Variants in NTN1 observed in about 807,000 individuals in gnomAD.
The protein encoded by NTN1 is netrin 1.
NTN1 carries 11 observed loss-of-function variants against 54.2 expected under a neutral mutation model. The ratio of observed to expected loss-of-function variants is 0.20; its 90% confidence interval spans 0.13 to 0.34. The LOEUF is 0.34. Among genes scored for constraint, NTN1 ranks in the 10% least tolerant of loss-of-function variants. The probability of loss-of-function intolerance (pLI) is 1.00; values close to 1 mark genes in which losing one functional copy is unlikely to be tolerated. For synonymous variants in NTN1, 371 were observed against 382.0 expected (o/e 0.97, Z 0.33); for missense variants, 740 against 893.1 (o/e 0.83, Z 2.18).
At position 9,162,889 on chromosome 17, in the gene NTN1, A is replaced by G; in HGVS notation, c.1095A>G (p.Gly365=). The G allele has an allele frequency of 6.2e-7, 1 of 1,614,052 alleles. No individual in the cohort carries two copies. The highest frequency in any genetic ancestry group is 8.5e-7 in the Non-Finnish European group (1 of 1,179,998). ...ACAAGCTTTCGGGGCGCAAGAGCGG[A>G]GGTGTCTGCCTCAACTGTCGCCACA... ...ELYKLSGRKS[G]GVCLNCRHNT... is the part of the protein sequence containing the mutation. Residue 365 remains glycine, a synonymous_variant, in exon 3 of 7, where the codon GGA becomes GGG. Transcript: ENST00000173229.
chr17:9,238,874 C>A (rs1906086397), intron 6 of NTN1, among the ~76,000 whole-genome samples: 2 of 152,366 alleles, frequency 1.3e-5, no homozygotes, highest in Admixed American at 1.3e-4. Context: ...TCTGTTCAAT[C>A]TGAAGCTCTG....
intron 6 of NTN1, among the ~76,000 whole-genome samples, chr17:9,223,999 G>GT (rs1230018720): frequency 1.3e-5 from 2 of 151,874 alleles, no homozygotes; most frequent in Non-Finnish European, 2.9e-5. Context: ...CAGCTACACT[G>GT]TGGAGAGGCA....
At chr17:9,224,707 C>T (rs968700573) in intron 6 of NTN1, among the ~76,000 whole-genome samples, 3 of 152,170 alleles carry the variant, frequency 2.0e-5, no homozygotes. Flanking sequence ...GGTGGTTACC[C>T]GGCTCCTGCC....
intron 2 of NTN1, among the ~76,000 whole-genome samples, chr17:9,141,802 T>G (rs1481992628): frequency 6.6e-6 from 1 of 152,116 alleles, no homozygotes; most frequent in Non-Finnish European, 1.5e-5. Context: ...TGGCTCATGC[T>G]TGTAATCCCA....
chr17:9,172,715 T>A (rs749965507), intron 3 of NTN1: 1 of 151,480 alleles, frequency 6.6e-6, no homozygotes, highest in Non-Finnish European at 1.5e-5. Flanking sequence ...GAACTGCAGG[T>A]TAAAACTACC....
chr17:9,123,893 A>G (rs146782603), intron 2 of NTN1, among the ~76,000 whole-genome samples: 28 of 152,180 alleles, frequency 1.8e-4, no homozygotes, highest in Non-Finnish European at 3.7e-4. Context: ...AGGGTTATTC[A>G]TGTTGTTGTA....
At chr17:9,058,432 T>C (rs1186144447) in intron 2 of NTN1, among the ~76,000 whole-genome samples, 1 of 152,098 alleles carries the variant, frequency 6.6e-6, no homozygotes, top group African/African-American at 2.4e-5. Flanking sequence ...TCCTATTGAA[T>C]GCCGTGTAGG....
chr17:9,098,259 A>G (rs140254073), intron 2 of NTN1, among the ~76,000 whole-genome samples: 374 of 152,248 alleles, frequency 2.5e-3, no homozygotes, highest in African/African-American at 8.8e-3. Flanking sequence ...ATTTATTCTC[A>G]GTTTCCTTAT....
At chr17:9,199,520 C>T (rs61374819) in intron 5 of NTN1, among the ~76,000 whole-genome samples, 2,147 of 152,362 alleles carry the variant, frequency 0.014, 53 homozygotes, top group African/African-American at 0.049. Context: ...GTCAGGGGCC[C>T]AGGCCCCTTT....
chr17:9,099,137 C>T (rs1018474408), intron 2 of NTN1, among the ~76,000 whole-genome samples: 6 of 152,236 alleles, frequency 3.9e-5, no homozygotes, highest in East Asian at 1.9e-4. Flanking sequence ...GGCGCAGTGG[C>T]GCACGCTTGT....
intron 2 of NTN1, among the ~76,000 whole-genome samples, chr17:9,132,259 C>G (rs1365343539): frequency 1.3e-5 from 2 of 152,140 alleles, no homozygotes; most frequent in Non-Finnish European, 1.5e-5. Context: ...CACTAACAAG[C>G]CATGTACTTT....
At chr17:9,039,014 A>G (rs2091912969) in intron 2 of NTN1, among the ~76,000 whole-genome samples, 1 of 152,154 alleles carries the variant, frequency 6.6e-6, no homozygotes, top group Non-Finnish European at 1.5e-5. Flanking sequence ...GAGAAACATC[A>G]TTTTTTGTCA....
intron 5 of NTN1, among the ~76,000 whole-genome samples, chr17:9,215,929 A>G (rs994205358): frequency 6.6e-6 from 1 of 152,188 alleles, no homozygotes; most frequent in African/African-American, 2.4e-5. Context: ...AGTTTTCTAC[A>G]GTATCATGAA....
At chr17:9,004,552 G>A in the NTN1 span, among the ~76,000 whole-genome samples, 4 of 152,196 alleles carry the variant, frequency 2.6e-5, no homozygotes, top group Non-Finnish European at 4.4e-5. Flanking sequence ...GAATGCTGGG[G>A]CCTTCCTGTT....
intron 2 of NTN1, among the ~76,000 whole-genome samples, chr17:9,120,506 C>T (rs1016023561): frequency 1.1e-4 from 16 of 152,292 alleles, no homozygotes; most frequent in African/African-American, 2.9e-4. Flanking sequence ...GGAGAGACTG[C>T]GATGGTTTCT....
intron 5 of NTN1, among the ~76,000 whole-genome samples, chr17:9,185,565 G>A (rs2092430743): frequency 6.6e-6 from 1 of 152,060 alleles, no homozygotes; most frequent in Non-Finnish European, 1.5e-5. Context: ...CATGGGGCAG[G>A]GAGGTGAGGA....
At chr17:9,039,242 T>G (rs1219971077) in intron 2 of NTN1, among the ~76,000 whole-genome samples, 1 of 152,188 alleles carries the variant, frequency 6.6e-6, no homozygotes, top group Non-Finnish European at 1.5e-5. Flanking sequence ...CTTTATATAT[T>G]TATTTATTGG....
intron 2 of NTN1, among the ~76,000 whole-genome samples, chr17:9,028,056 C>T (rs1003721887): frequency 2.0e-5 from 3 of 151,302 alleles, no homozygotes; most frequent in Admixed American, 6.6e-5. Context: ...ACCTGGGAGG[C>T]GGAGGTTGCA....
At chr17:9,126,148 G>C (rs547528150) in intron 2 of NTN1, among the ~76,000 whole-genome samples, 1 of 152,218 alleles carries the variant, frequency 6.6e-6, no homozygotes, top group African/African-American at 2.4e-5. Flanking sequence ...TTAATGAATT[G>C]AATAGGATCA....
Sources: allele counts gnomAD v4.1 joint callset (sites outside exome capture counted in the v4.1 genomes callset), GRCh38; gene constraint gnomAD v4.1.1; transcripts MANE v1.5; gene names NCBI Gene and HGNC (gene_info 2026-07-23, HGNC 2026-07-21).